HSD17B12: variants seen among roughly 807,000 people sequenced by gnomAD.
HSD17B12 encodes hydroxysteroid 17-beta dehydrogenase 12, also known as very-long-chain 3-oxoacyl-CoA reductase.
A neutral mutation model predicts 39.3 loss-of-function variants in HSD17B12; 32 were observed. The ratio of observed to expected loss-of-function variants is 0.81; its 90% confidence interval spans 0.61 to 1.09. The LOEUF (loss-of-function observed/expected upper bound fraction) is 1.09. Among genes scored for constraint, HSD17B12 ranks in the 50% least tolerant of loss-of-function variants. HSD17B12 has a pLI of 0.00. For synonymous variants in HSD17B12, 150 were observed against 146.7 expected, an observed-to-expected ratio of 1.02 and a Z score of -0.16; for missense variants, 342 against 382.9, an observed-to-expected ratio of 0.89 and a Z score of 0.89.
chr11:43,598,458 A>T, the HSD17B12 span, among the ~76,000 whole-genome samples: 11,524 of 151,770 alleles, frequency 0.076, 605 homozygotes, highest in Non-Finnish European at 0.11. Context: ...CTCTTCTTGC[A>T]TCCCCATTTC....
the HSD17B12 span, among the ~76,000 whole-genome samples, chr11:43,634,705 A>C: frequency 6.6e-6 from 1 of 152,198 alleles, no homozygotes; most frequent in Non-Finnish European, 1.5e-5. Context: ...GATTTAAAGT[A>C]ACATCCAGGA....
At chr11:43,796,264 A>G (rs1950915302) in intron 3 of HSD17B12, among the ~76,000 whole-genome samples, 1 of 152,138 alleles carries the variant, frequency 6.6e-6, no homozygotes, top group Non-Finnish European at 1.5e-5. Context: ...CCTACGTTAA[A>G]TAGGAAAAGC....
the HSD17B12 span, among the ~76,000 whole-genome samples, chr11:43,583,836 A>G: frequency 6.6e-6 from 1 of 152,208 alleles, no homozygotes; most frequent in African/African-American, 2.4e-5. Flanking sequence ...GCAGCACCTC[A>G]GGAACCCTCC....
In HSD17B12 at chr11:43,838,363, C is replaced by T; in HGVS notation, c.583C>T (p.Pro195Ser). Residue 195 changes from proline (P) to serine (S), a missense_variant, in exon 8 of 11, where the codon CCT becomes TCT. By Grantham distance (74) the Pro-to-Ser change is moderately conservative. Coordinates refer to ENST00000278353, the MANE Select transcript of HSD17B12 (RefSeq NM_016142.3). ...LNISSGSGML[P>S]VPLLTIYSAT... ...CATTTCATCTGGCAGTGGCATGCTC[C>T]CTGTCCCACTCTTGACCATCTATTC... is the stretch of plus-strand genomic sequence containing the variant. 2 of 1,613,156 alleles carry T rather than the reference C, an allele frequency of 1.2e-6. No homozygotes were observed. The highest frequency in any genetic ancestry group is 1.7e-6 in the Non-Finnish European group (2 of 1,179,330).
chr11:43,727,725 A>G (rs1011287506), intron 1 of HSD17B12, among the ~76,000 whole-genome samples: 1 of 152,192 alleles, frequency 6.6e-6, no homozygotes, highest in Non-Finnish European at 1.5e-5. Flanking sequence ...ATGGTAAAAC[A>G]GTAGGAAAAA....
intron 3 of HSD17B12, among the ~76,000 whole-genome samples, chr11:43,796,159 C>A (rs553157272): frequency 6.6e-6 from 1 of 152,190 alleles, no homozygotes; most frequent in East Asian, 1.9e-4. Context: ...TAAACTCACA[C>A]CGTTTATTAG....
At chr11:43,749,670 C>T (rs1432967460) in intron 1 of HSD17B12, among the ~76,000 whole-genome samples, 1 of 150,594 alleles carries the variant, frequency 6.6e-6, no homozygotes, top group Non-Finnish European at 1.5e-5. Flanking sequence ...AAGATATCAG[C>T]TAAGCAAGAA....
chr11:43,798,242 G>A (rs1950931853), intron 3 of HSD17B12, 78 bp from the exon 4 acceptor site: 1 of 787,476 alleles, frequency 1.3e-6, no homozygotes, highest in Non-Finnish European at 2.2e-6. Flanking sequence ...AAAGGATAAT[G>A]CTATCAAATG....
chr11:43,845,176 G>A (rs1421367545), intron 9 of HSD17B12, among the ~76,000 whole-genome samples: 1 of 152,146 alleles, frequency 6.6e-6, no homozygotes, highest in Non-Finnish European at 1.5e-5. Context: ...TTGAGACAGG[G>A]TCTCACTTTG....
chr11:43,641,101 A>T, the HSD17B12 span: 611 of 151,886 alleles, frequency 4.0e-3, 4 homozygotes, highest in African/African-American at 0.014. Flanking sequence ...CGAAAGAAGT[A>T]TCATGTACTA....
chr11:43,618,074 C>CA, the HSD17B12 span, among the ~76,000 whole-genome samples: 2 of 152,246 alleles, frequency 1.3e-5, no homozygotes, highest in East Asian at 1.9e-4. Context: ...TATTATAGAA[C>CA]AAAAAACTTG....
At chr11:43,561,107 GGGTTC>G in the HSD17B12 span, among the ~76,000 whole-genome samples, 1 of 152,132 alleles carries the variant, frequency 6.6e-6, no homozygotes. Flanking sequence ...GATGAAGCAT[GGGTTC>G]CAATCCCCAC....
At chr11:43,737,537 T>G (rs1950327599) in intron 1 of HSD17B12, among the ~76,000 whole-genome samples, 2 of 152,202 alleles carry the variant, frequency 1.3e-5, no homozygotes, top group South Asian at 4.1e-4. Flanking sequence ...TATTTGTGTA[T>G]GAAGACATAA....
chr11:43,772,152 T>C (rs934125441), intron 3 of HSD17B12, among the ~76,000 whole-genome samples: 1 of 152,228 alleles, frequency 6.6e-6, no homozygotes, highest in Non-Finnish European at 1.5e-5. Flanking sequence ...TCATTTAGCA[T>C]GGTTCCAAGT....
At chr11:43,748,139 G>A (rs1950428865) in intron 1 of HSD17B12, among the ~76,000 whole-genome samples, 1 of 152,002 alleles carries the variant, frequency 6.6e-6, no homozygotes, top group Non-Finnish European at 1.5e-5. Context: ...AAAACAGTCG[G>A]GAGATGAAAA....
At chr11:43,788,639 A>T (rs181777712) in intron 3 of HSD17B12, among the ~76,000 whole-genome samples, 1 of 143,894 alleles carries the variant, frequency 6.9e-6, no homozygotes, top group African/African-American at 2.6e-5. Flanking sequence ...GTCGCTTTTT[A>T]TAACAAGCTG....
the HSD17B12 span, among the ~76,000 whole-genome samples, chr11:43,646,818 T>C: frequency 6.6e-6 from 1 of 152,336 alleles, no homozygotes; most frequent in East Asian, 1.9e-4. Flanking sequence ...ACTCCAATTC[T>C]GATGCTGGTG....
intron 1 of HSD17B12, among the ~76,000 whole-genome samples, chr11:43,750,142 G>T (rs1222714830): frequency 6.6e-6 from 1 of 151,184 alleles, no homozygotes; most frequent in Non-Finnish European, 1.5e-5. Flanking sequence ...ACAGCTCAGT[G>T]AATCTACACA....
the HSD17B12 span, among the ~76,000 whole-genome samples, chr11:43,619,734 A>G: frequency 5.3e-5 from 8 of 152,122 alleles, no homozygotes; most frequent in African/African-American, 1.9e-4. Flanking sequence ...GATCATGTAT[A>G]CTAAGAATGT....
Sources: gnomAD v4.1 joint callset for allele counts (sites outside exome capture counted in the v4.1 genomes callset) on GRCh38, gnomAD v4.1.1 for gene constraint, MANE v1.5 for transcripts, NCBI Gene and HGNC (gene_info 2026-07-23, HGNC 2026-07-21) for gene names.